Variants in PNRC2 observed in about 807,000 individuals in gnomAD.
PNRC2 encodes the protein proline rich nuclear receptor coactivator 2.
PNRC2 carries 2 observed loss-of-function variants against 12.2 expected under a neutral mutation model. That is an observed-to-expected ratio of 0.16 (90% CI 0.07 to 0.52). The LOEUF (loss-of-function observed/expected upper bound fraction) is 0.52, where lower values mean the gene tolerates loss of function less well. Among genes scored for constraint, PNRC2 ranks in the 20% least tolerant of loss-of-function variants. The probability of loss-of-function intolerance (pLI) is 0.95; values close to 1 mark genes in which losing one functional copy is unlikely to be tolerated. For synonymous variants in PNRC2, 44 were observed against 53.9 expected (o/e 0.82, Z 0.80); for missense variants, 115 against 158.4 (o/e 0.73, Z 1.47).
chr1:23,961,925 T>C lies in PNRC2; in HGVS notation c.*48T>C, dbSNP rs750301556. On this transcript the variant is annotated 3_prime_UTR_variant, in exon 3 of 3. Coordinates refer to ENST00000334351, the MANE Select transcript of PNRC2 (RefSeq NM_017761.4). Reference sequence around the variant, plus strand: ...AGTTATGTTCACGGATAGTTGTCAATTGGTCTGAAACAAATTCGCTAGGGA... The same window carrying C: ...AGTTATGTTCACGGATAGTTGTCAACTGGTCTGAAACAAATTCGCTAGGGA... 4.7e-5 allele frequency: 56 copies of C among 1,185,084 alleles called. No homozygotes were observed. The highest frequency in any genetic ancestry group is 6.2e-5 in the Non-Finnish European group (52 of 833,982). 73.4% of individuals were successfully genotyped at this position (1,185,084 alleles called of 1,614,324 possible). A position where few individuals can be genotyped will look rare whatever the true frequency, so the allele number is the denominator to read the frequency against.
rs1472830251 is a variant in PNRC2, at chr1:23,959,881, G to T, written c.-342G>T. ...GTTGTAGAAGCTGGGGTGGCCGGCA[G>T]CTCGCTCATCGGTGTTCGTGGGCTT... is the stretch of plus-strand genomic sequence containing the variant. On this transcript the variant is annotated 5_prime_UTR_variant, in exon 1 of 3. Transcript: ENST00000334351. The T allele has an allele frequency of 6.6e-6, 1 of 152,314 alleles. No individual in the cohort carries two copies. Among genetic ancestry groups the T allele is most frequent in the Non-Finnish European group, 1.5e-5 (1 of 68,090 alleles). 9.4% of individuals were successfully genotyped at this position (152,314 alleles called of 1,614,324 possible). A position where few individuals can be genotyped will look rare whatever the true frequency, so the allele number is the denominator to read the frequency against.
In PNRC2 at chr1:23,961,942, C is replaced by T. The variant is rs7368202; in HGVS notation, c.*65C>T. The T allele has an allele frequency of 0.43, 380,188 of 891,750 alleles. 79,263 individuals are homozygous for T. Among genetic ancestry groups the T allele is most frequent in the East Asian group, 0.58 (22,706 of 39,074 alleles). 55.2% of individuals were successfully genotyped at this position (891,750 alleles called of 1,614,324 possible). On this transcript the variant is annotated 3_prime_UTR_variant, in exon 3 of 3. Transcript: ENST00000334351. ...GTTGTCAATTGGTCTGAAACAAATT[C>T]GCTAGGGAATCTATTTGTGTAGAAC...
rs1479050575 is a variant in PNRC2, at chr1:23,962,618, T to C, written c.*741T>C. 3.6e-5 allele frequency: 6 copies of C among 167,038 alleles called. No individual in the cohort carries two copies. Among genetic ancestry groups the C allele is most frequent in the Admixed American group, 1.3e-4 (2 of 15,280 alleles). The allele number at this position is 167,038 out of a possible 1,614,324, so 10.3% of individuals were successfully genotyped here. ...TTTGGGGAGTTGGATAATGTGAAAA[T>C]TTTAAGTACCTAGGGGAGAAAGAGC... On this transcript the variant is annotated 3_prime_UTR_variant, in exon 3 of 3. Transcript: ENST00000334351.
chr1:23,962,519 A>G lies in PNRC2; in HGVS notation c.*642A>G, dbSNP rs1641301137. ...TAATGGTCACTCAATAGCTTTCAAA[A>G]TACATTTTTGTATTACAGCACTGCA... On this transcript the variant is annotated 3_prime_UTR_variant, in exon 3 of 3. Transcript: ENST00000334351. The G allele has an allele frequency of 1.2e-5, 2 of 167,148 alleles. No individual in the cohort carries two copies. Among genetic ancestry groups the G allele is most frequent in the South Asian group, 4.1e-4 (2 of 4,824 alleles). 10.4% of individuals were successfully genotyped at this position (167,148 alleles called of 1,614,324 possible). A position where few individuals can be genotyped will look rare whatever the true frequency, so the allele number is the denominator to read the frequency against.
In PNRC2 at chr1:23,962,020, T is replaced by C. The variant is rs1237201394; in HGVS notation, c.*143T>C. 10 of 586,592 alleles carry C rather than the reference T, an allele frequency of 1.7e-5. No homozygotes were observed. The highest frequency in any genetic ancestry group is 2.7e-5 in the Non-Finnish European group (9 of 330,772). The allele number at this position is 586,592 out of a possible 1,614,324, so 36.3% of individuals were successfully genotyped here. On this transcript the variant is annotated 3_prime_UTR_variant, in exon 3 of 3. Coordinates refer to ENST00000334351, the MANE Select transcript of PNRC2 (RefSeq NM_017761.4). ...TCGTGTTGTGTGCACTGTGATATAATGGTAGTATCAGTGCAACTTAAACTA... is the reference window on the plus strand; with the variant it reads ...TCGTGTTGTGTGCACTGTGATATAACGGTAGTATCAGTGCAACTTAAACTA...
At chr1:23,959,763 G>A (rs1437485155), upstream of PNRC2, 1 of 152,404 alleles carries the variant, frequency 6.6e-6, no homozygotes, top group East Asian at 1.9e-4. Flanking sequence ...GGCCCGCGCT[G>A]TCGTGTTTTG....
intron 1 of PNRC2, 89 bp downstream of exon 1, chr1:23,960,087 G>C (rs1267878780): frequency 1.3e-5 from 2 of 152,214 alleles, no homozygotes; most frequent in Non-Finnish European, 1.5e-5. Context: ...GCGAGATCCG[G>C]GTAACCCGGG....
intron 1 of PNRC2, 125 bp from the exon 2 acceptor site, chr1:23,960,804 G>T: frequency 2.6e-6 from 1 of 391,054 alleles, no homozygotes; most frequent in Non-Finnish European, 4.5e-6. Flanking sequence ...GCCATCTTAC[G>T]AGAAATTTTC....
rs1223418111 is a variant in PNRC2 at position 23,962,737 on chromosome 1, T to G, written c.*860T>G. On this transcript the variant is annotated 3_prime_UTR_variant, in exon 3 of 3. Coordinates refer to ENST00000334351, the MANE Select transcript of PNRC2 (RefSeq NM_017761.4). Reference sequence around the variant, plus strand: ...AGTATTTTAGTATGAATTTGCTGAATGTAAGACCGTGGACTGTTTTTTATA... The same window carrying G: ...AGTATTTTAGTATGAATTTGCTGAAGGTAAGACCGTGGACTGTTTTTTATA... 2 of 167,060 alleles carry G rather than the reference T, an allele frequency of 1.2e-5. No homozygotes were observed. Among genetic ancestry groups the G allele is most frequent in the Non-Finnish European group, 2.9e-5 (2 of 68,082 alleles). 10.3% of individuals were successfully genotyped at this position (167,060 alleles called of 1,614,324 possible).
upstream of PNRC2, among the ~76,000 whole-genome samples, chr1:23,959,551 C>G (rs1485511946): frequency 6.6e-6 from 1 of 150,808 alleles, no homozygotes; most frequent in Admixed American, 6.6e-5. Flanking sequence ...TAGGAAGAGC[C>G]GAGAGCTAGC....
chr1:23,963,416 AAAATT>A lies in PNRC2; in HGVS notation c.*1544_*1548del, dbSNP rs1207741576. ...TGTACATGATATGAATGTGAAGCAT[AAAATT>A]AAATAAAATTTTTCCCCATTGGCTT... is the stretch of plus-strand genomic sequence containing the variant. On this transcript the variant is annotated 3_prime_UTR_variant, in exon 3 of 3. Coordinates refer to ENST00000334351, the MANE Select transcript of PNRC2 (RefSeq NM_017761.4). 9.6e-5 allele frequency: 16 copies of A among 166,504 alleles called. No individual in the cohort carries two copies. The highest frequency in any genetic ancestry group is 1.6e-4 in the Non-Finnish European group (11 of 68,020). The allele number at this position is 166,504 out of a possible 1,614,324, so 10.3% of individuals were successfully genotyped here.
chr1:23,959,514 G>A (rs899840574), upstream of PNRC2, among the ~76,000 whole-genome samples: 1 of 152,166 alleles, frequency 6.6e-6, no homozygotes, highest in Non-Finnish European at 1.5e-5. Flanking sequence ...CAAGGGCGGC[G>A]AGCCCGCGCG....
In PNRC2 at chr1:23,963,267, T is replaced by C. The variant is rs1434197757; in HGVS notation, c.*1390T>C. On this transcript the variant is annotated 3_prime_UTR_variant, in exon 3 of 3. Transcript: ENST00000334351. ...ATTGTTAATGCCCTATTTTCTAATT[T>C]GGCACCTCTTGATGCCTAAGCAGGT... 4.2e-5 allele frequency: 7 copies of C among 167,168 alleles called. No homozygotes were observed. In the East Asian group the frequency reaches 1.3e-3, roughly 32 times the overall value. The allele number at this position is 167,168 out of a possible 1,614,324, so 10.4% of individuals were successfully genotyped here.
rs1156402572 is a variant in PNRC2 at position 23,962,684 on chromosome 1, T to G, written c.*807T>G. 1 of 167,162 alleles carries G rather than the reference T, an allele frequency of 6.0e-6. No homozygotes were observed. Among genetic ancestry groups the G allele is most frequent in the East Asian group, 1.9e-4 (1 of 5,194 alleles). 10.4% of individuals were successfully genotyped at this position (167,162 alleles called of 1,614,324 possible). ...AATAAACTTGTAGCATATGTAAAGTTTTCTTGGCCTTTATCTTACAAAAAT... is the reference window on the plus strand; with the variant it reads ...AATAAACTTGTAGCATATGTAAAGTGTTCTTGGCCTTTATCTTACAAAAAT... On this transcript the variant is annotated 3_prime_UTR_variant, in exon 3 of 3. Transcript: ENST00000334351.
At position 23,961,504 on chromosome 1, in the gene PNRC2, A is replaced by G; in HGVS notation, c.47A>G (p.Asn16Ser). ...RYNIPAPQSRNVSKNQQQLNR... is the reference protein window; with the variant it reads ...RYNIPAPQSRSVSKNQQQLNR... ...AACATTCCAGCCCCTCAATCTAGAA[A>G]TGTTAGTAAGAACCAACAACAGCTT... The change falls in exon 3 of 3, where the codon AAT becomes AGT. Residue 16 changes from asparagine (N) to serine (S), a missense_variant. Transcript: ENST00000334351. 4 of 1,612,250 alleles carry G rather than the reference A, an allele frequency of 2.5e-6. No homozygotes were observed. In the East Asian group the frequency reaches 8.9e-5, roughly 36 times the overall value.
chr1:23,959,643 C>G (rs1336504463), upstream of PNRC2, among the ~76,000 whole-genome samples: 1 of 152,182 alleles, frequency 6.6e-6, no homozygotes, highest in Non-Finnish European at 1.5e-5. Context: ...CAGTTACTCC[C>G]GGCATGCTCC....
upstream of PNRC2, among the ~76,000 whole-genome samples, chr1:23,959,528 G>C (rs1228766943): frequency 6.6e-6 from 1 of 151,924 alleles, no homozygotes; most frequent in African/African-American, 2.4e-5. Flanking sequence ...CCGCGCGCAC[G>C]AGAGCCGAGC....
intron 1 of PNRC2, among the ~76,000 whole-genome samples, 191 bp from the exon 2 acceptor site, chr1:23,960,738 T>G (rs1641261620): frequency 6.6e-6 from 1 of 152,196 alleles, no homozygotes; most frequent in Non-Finnish European, 1.5e-5. Flanking sequence ...CAGGAGTGAC[T>G]GGATCTCAAG....
intron 2 of PNRC2, 92 bp downstream of exon 2, chr1:23,961,226 G>A (rs1354932846): frequency 2.4e-5 from 11 of 459,370 alleles, no homozygotes; most frequent in Non-Finnish European, 3.9e-5. Context: ...TTGTGGGTAA[G>A]CTCATTTTTC....
Sources: gnomAD v4.1 joint callset for allele counts (sites outside exome capture counted in the v4.1 genomes callset) on GRCh38, gnomAD v4.1.1 for gene constraint, MANE v1.5 for transcripts, NCBI Gene and HGNC (gene_info 2026-07-23, HGNC 2026-07-21) for gene names.